AKT3: variants seen among roughly 807,000 people sequenced by gnomAD.
The protein encoded by AKT3 is RAC-gamma serine/threonine-protein kinase.
In AKT3, 15 loss-of-function variants were observed where a neutral mutation model predicts 65.3. The observed-to-expected ratio is 0.23, with a 90% CI of 0.15 to 0.35. AKT3 has a LOEUF of 0.35. Ranked by LOEUF, AKT3 falls within the 10% of genes least tolerant of loss-of-function variation. The probability of loss-of-function intolerance (pLI) is 1.00; values close to 1 mark genes in which losing one functional copy is unlikely to be tolerated. For missense variants in AKT3, 243 were observed against 576.5 expected, an observed-to-expected ratio of 0.42 and a Z score of 5.92; for synonymous variants, 206 against 183.8, an observed-to-expected ratio of 1.12 and a Z score of -0.98.
chr1:243,707,881 G>A (rs1177312049), intron 2 of AKT3, among the ~76,000 whole-genome samples: 1 of 151,892 alleles, frequency 6.6e-6, no homozygotes. Context: ...TTTATACATA[G>A]CCACTGCATA....
Position 243,614,956 on chromosome 1 carries a change from A to G in AKT3, c.627+140T>C, listed in dbSNP as rs990293382. The G allele has an allele frequency of 4.2e-5, 27 of 648,114 alleles. No individual in the cohort carries two copies. The Admixed American group carries it at 7.5e-4, about 18-fold the overall frequency. 40.1% of individuals were successfully genotyped at this position (648,114 alleles called of 1,614,324 possible). The stretch of plus-strand genomic sequence containing the variant: ...AAAAATCCATACATTCTAATAAGTT[A>G]TAAGAAATTTGACTTACGTTCTTTC... On this transcript the variant is annotated intron_variant, in intron 7 of 13. Transcript: ENST00000673466.
chr1:243,674,704 G>A (rs985997499), intron 3 of AKT3, among the ~76,000 whole-genome samples: 1 of 152,152 alleles, frequency 6.6e-6, no homozygotes, highest in Admixed American at 6.5e-5. Flanking sequence ...TGCAATGCGT[G>A]GTCCTCCTTA....
intron 2 of AKT3, among the ~76,000 whole-genome samples, chr1:243,775,670 C>T (rs2148291984): frequency 6.6e-6 from 1 of 152,288 alleles, no homozygotes; most frequent in Non-Finnish European, 1.5e-5. Flanking sequence ...GACTCATTAA[C>T]TTAGAGAAGA....
chr1:243,509,214 A>G (rs1669867611), intron 13 of AKT3, among the ~76,000 whole-genome samples: 1 of 152,152 alleles, frequency 6.6e-6, no homozygotes, highest in South Asian at 2.1e-4. Flanking sequence ...AACATTCTTG[A>G]TGGCTTTTAT....
intron 2 of AKT3, among the ~76,000 whole-genome samples, chr1:243,732,032 A>AT (rs1687599580): frequency 1.3e-5 from 2 of 152,062 alleles, no homozygotes; most frequent in African/African-American, 4.8e-5. Context: ...AGATTTACAT[A>AT]TTTTTTCTAA....
chr1:243,575,205 A>G lies in AKT3; in HGVS notation c.697-2157T>C, dbSNP rs553460873. On this transcript the variant is annotated intron_variant, in intron 8 of 13. Transcript: ENST00000673466. Reference sequence around the variant, plus strand: ...CCTACTGCCCTCTTTCTTGAAACACATTTCTGGGCTTTGGTAATATGACTC... The same window carrying G: ...CCTACTGCCCTCTTTCTTGAAACACGTTTCTGGGCTTTGGTAATATGACTC... Among the ~76,000 whole-genome samples, 19 of 152,204 alleles carry G rather than the reference A, an allele frequency of 1.2e-4. No homozygotes were observed. The South Asian group carries it at 3.9e-3, about 32-fold the overall frequency.
intron 2 of AKT3, among the ~76,000 whole-genome samples, chr1:243,713,743 TAATAAAAAAAA>T (rs1558746153): frequency 3.4e-5 from 1 of 29,184 alleles, no homozygotes; most frequent in African/African-American, 8.5e-5. Flanking sequence ...TGCTTTGCCT[TAATAAAAAAAA>T]AAAAAAAAAA....
Position 243,552,911 on chromosome 1 carries a change from T to C in AKT3, c.981A>G (p.Val327=). The part of the protein sequence containing the change: ...VLEDNDYGRA[V]DWWGLGVVMY... ...TGACAACCCCTAGGCCCCACCAGTC[T>C]ACTGCTCGGCCATAGTCATTATCTT... The change falls in exon 11 of 14, where the codon GTA becomes GTG. Residue 327 remains valine (V), a synonymous_variant. Transcript: ENST00000673466. 1 of 1,613,740 alleles carries C rather than the reference T, an allele frequency of 6.2e-7. No homozygotes were observed. Among genetic ancestry groups the C allele is most frequent in the Non-Finnish European group, 8.5e-7 (1 of 1,179,916 alleles).
chr1:243,697,528 T>TACTATTATG (rs1177603451), intron 2 of AKT3, among the ~76,000 whole-genome samples: 1 of 152,120 alleles, frequency 6.6e-6, no homozygotes, highest in Admixed American at 6.6e-5. Flanking sequence ...GAACTTTCTG[T>TACTATTATG]ACTATTATGT....
Position 243,489,113 on chromosome 1 carries a change from G to A in AKT3, c.*7-663C>T. ...TTCTCCTGGAGAGGCAGAGCCTGTC[G>A]GAAGAGGTGGACCGGCTGCGGACCC... is the stretch of plus-strand genomic sequence containing the variant. On this transcript the variant is annotated intron_variant, in intron 13 of 13. Transcript: ENST00000336199. 1 of 1,612,912 alleles carries A rather than the reference G, an allele frequency of 6.2e-7. No individual in the cohort carries two copies. The highest frequency in any genetic ancestry group is 1.3e-5 in the African/African-American group (1 of 75,046).
In AKT3 at chr1:243,613,729, T is replaced by C; in HGVS notation, c.638A>G (p.Tyr213Cys). Residue 213 changes from tyrosine to cysteine, a missense_variant, in exon 8 of 14, where the codon TAT (tyrosine) becomes TGT (cysteine). Transcript: ENST00000673466. ...CAAACGGTCTTTTGTCTGGAAGGAA[T>C]ATTTCAAGGACTTGAAATAAAAAAA... is the stretch of plus-strand genomic sequence containing the variant. ...TRHPFLTSLK[Y>C]SFQTKDRLCF... 1 of 1,587,858 alleles carries C rather than the reference T, an allele frequency of 6.3e-7. No individual in the cohort carries two copies. The highest frequency in any genetic ancestry group is 8.6e-7 in the Non-Finnish European group (1 of 1,165,978).
At chr1:243,659,116 C>T (rs949723008) in intron 4 of AKT3, among the ~76,000 whole-genome samples, 1 of 152,058 alleles carries the variant, frequency 6.6e-6, no homozygotes, top group East Asian at 1.9e-4. Flanking sequence ...CTCTAATATG[C>T]TGTAACATGG....
intron 11 of AKT3, 37 bp downstream of exon 11, chr1:243,552,692 T>C: frequency 5.8e-6 from 9 of 1,559,270 alleles, no homozygotes; most frequent in Non-Finnish European, 7.9e-6. Flanking sequence ...TTTAACCACA[T>C]TCATCAGTAA....
intron 8 of AKT3, among the ~76,000 whole-genome samples, chr1:243,573,943 T>C (rs1674743540): frequency 6.6e-6 from 1 of 152,164 alleles, no homozygotes; most frequent in South Asian, 2.1e-4. Flanking sequence ...GCACTGTGAA[T>C]TGACTATTAA....
chr1:243,677,619 C>T (rs893741367), intron 3 of AKT3, among the ~76,000 whole-genome samples: 1 of 151,768 alleles, frequency 6.6e-6, no homozygotes, highest in Non-Finnish European at 1.5e-5. Flanking sequence ...AGCTCTAATA[C>T]TTGAGATATT....
At chr1:243,672,598 T>A (rs1221024630) in intron 3 of AKT3, among the ~76,000 whole-genome samples, 1 of 152,218 alleles carries the variant, frequency 6.6e-6, no homozygotes, top group Non-Finnish European at 1.5e-5. Context: ...CACTTCATCA[T>A]CCACATTCCA....
At chr1:243,719,110 T>C (rs1469049306) in intron 2 of AKT3, among the ~76,000 whole-genome samples, 3 of 152,172 alleles carry the variant, frequency 2.0e-5, no homozygotes, top group South Asian at 2.1e-4. Flanking sequence ...ACATTCCACC[T>C]TTTTCTGAGT....
At chr1:243,634,518 GTCTC>G (rs1181303419) in intron 6 of AKT3, among the ~76,000 whole-genome samples, 1 of 151,806 alleles carries the variant, frequency 6.6e-6, no homozygotes, top group Non-Finnish European at 1.5e-5. Flanking sequence ...GATGCATATG[GTCTC>G]TCTCTCAAAA....
At chr1:243,613,804 T>A in intron 7 of AKT3, 65 bp from the exon 8 acceptor site, 1 of 1,020,930 alleles carries the variant, frequency 9.8e-7, no homozygotes, top group South Asian at 1.9e-5. Flanking sequence ...ATAATAGTAC[T>A]AAAAATAGAA....
Sources: gnomAD v4.1 joint callset for allele counts (sites outside exome capture counted in the v4.1 genomes callset) on GRCh38, gnomAD v4.1.1 for gene constraint, MANE v1.5 for transcripts, NCBI Gene and HGNC (gene_info 2026-07-23, HGNC 2026-07-21) for gene names.